PLEKHA8: variants seen among roughly 807,000 people sequenced by gnomAD.
PLEKHA8 encodes the protein pleckstrin homology domain-containing family A member 8.
In PLEKHA8, 36 loss-of-function variants were observed where a neutral mutation model predicts 68.2. The observed-to-expected ratio is 0.53, with a 90% CI of 0.40 to 0.70. The LOEUF (loss-of-function observed/expected upper bound fraction) is 0.70. PLEKHA8 is among the 30% of genes least tolerant of loss of function. The pLI is 0.00. For synonymous variants in PLEKHA8, 211 were observed against 216.1 expected (o/e 0.98, Z 0.20); for missense variants, 505 against 615.4 (o/e 0.82, Z 1.90).
At chr7:30,094,513 A>T (rs577213794), downstream of PLEKHA8, among the ~76,000 whole-genome samples, 679 of 150,358 alleles carry the variant, frequency 4.5e-3, 7 homozygotes, top group East Asian at 0.022. Flanking sequence ...TTTTTTTTTT[A>T]AATTTTATTA....
intron 1 of PLEKHA8, among the ~76,000 whole-genome samples, chr7:30,035,096 A>G (rs138739540): frequency 6.5e-4 from 99 of 151,954 alleles, no homozygotes; most frequent in African/African-American, 2.1e-3. Context: ...GATGTAATCT[A>G]TGGTTTCAGT....
chr7:30,106,506 T>C (rs1482232332), intron 13 of PLEKHA8, among the ~76,000 whole-genome samples: 1 of 152,220 alleles, frequency 6.6e-6, no homozygotes, highest in Non-Finnish European at 1.5e-5. Flanking sequence ...AGCACCATCA[T>C]ATATAAATGA....
intron 13 of PLEKHA8, among the ~76,000 whole-genome samples, chr7:30,120,167 A>C (rs1478606252): frequency 7.0e-6 from 1 of 143,268 alleles, no homozygotes; most frequent in African/African-American, 2.7e-5. Context: ...AAAAAAAAAA[A>C]AACAAAAAAA....
At chr7:30,117,045 C>A (rs1331925737) in intron 13 of PLEKHA8, among the ~76,000 whole-genome samples, 1 of 152,192 alleles carries the variant, frequency 6.6e-6, no homozygotes, top group Non-Finnish European at 1.5e-5. Flanking sequence ...TTCCGTCTGC[C>A]TTCCAGCATC....
intron 1 of PLEKHA8, among the ~76,000 whole-genome samples, chr7:30,040,079 G>A (rs1791415757): frequency 6.6e-6 from 1 of 152,230 alleles, no homozygotes. Flanking sequence ...TATTATGAAA[G>A]GGTGTTAGAT....
intron 5 of PLEKHA8, among the ~76,000 whole-genome samples, chr7:30,049,805 C>T (rs548693690): frequency 5.7e-4 from 87 of 152,216 alleles, no homozygotes; most frequent in Non-Finnish European, 1.1e-3. Flanking sequence ...ATTACCAGCT[C>T]TTTCCCTGTC....
chr7:30,032,974 A>G (rs1399200122), intron 1 of PLEKHA8, among the ~76,000 whole-genome samples: 1 of 152,232 alleles, frequency 6.6e-6, no homozygotes, highest in Non-Finnish European at 1.5e-5. Context: ...GTTTTCATTA[A>G]GGATGTGCTA....
intron 1 of PLEKHA8, among the ~76,000 whole-genome samples, chr7:30,044,055 C>T: frequency 2.2e-5 from 3 of 137,276 alleles, no homozygotes; most frequent in East Asian, 2.1e-4. Flanking sequence ...TTTTTTGAGA[C>T]GGAGTCTCAA....
At chr7:30,099,253 A>C (rs28457223) in intron 13 of PLEKHA8, among the ~76,000 whole-genome samples, 8,539 of 152,242 alleles carry the variant, frequency 0.056, 364 homozygotes, top group Middle Eastern at 0.078. Flanking sequence ...AAAACACCAC[A>C]AACAATGAAT....
chr7:30,052,957 A>C, intron 7 of PLEKHA8, 91 bp downstream of exon 7: 66 of 1,078,260 alleles, frequency 6.1e-5, no homozygotes, highest in Non-Finnish European at 8.2e-5. Flanking sequence ...GATTAACCTC[A>C]AGACCATGTA....
intron 9 of PLEKHA8, among the ~76,000 whole-genome samples, chr7:30,059,300 C>T (rs1793244312): frequency 6.6e-6 from 1 of 152,106 alleles, no homozygotes; most frequent in Non-Finnish European, 1.5e-5. Flanking sequence ...TGTTTTATTT[C>T]ATTTTCCGAT....
At chr7:30,091,992 A>G (rs908260084), downstream of PLEKHA8, among the ~76,000 whole-genome samples, 1 of 152,208 alleles carries the variant, frequency 6.6e-6, no homozygotes, top group African/African-American at 2.4e-5. Context: ...TTATGTTCAT[A>G]GAAGCCCGTG....
intron 1 of PLEKHA8, among the ~76,000 whole-genome samples, 190 bp downstream of exon 1, chr7:30,028,992 C>T (rs1790439045): frequency 6.6e-6 from 1 of 152,202 alleles, no homozygotes; most frequent in South Asian, 2.1e-4. Context: ...ACGGCCCTCT[C>T]TTGGGGTTGG....
exon 14 of PLEKHA8, chr7:30,129,349 G>A: frequency 6.2e-7 from 1 of 1,612,506 alleles, no homozygotes; most frequent in Non-Finnish European, 8.5e-7. Context: ...ACACACTAAG[G>A]ACGGTAAAGC....
At chr7:30,041,671 A>C (rs942951240) in intron 1 of PLEKHA8, among the ~76,000 whole-genome samples, 2 of 152,188 alleles carry the variant, frequency 1.3e-5, no homozygotes, top group African/African-American at 4.8e-5. Flanking sequence ...CTGGGATTAC[A>C]GGAGTGAACC....
chr7:30,093,158 G>T (rs1795481657), downstream of PLEKHA8, among the ~76,000 whole-genome samples: 1 of 152,138 alleles, frequency 6.6e-6, no homozygotes, highest in Non-Finnish European at 1.5e-5. Context: ...GGCCAACTGG[G>T]GTCCAATTTC....
intron 13 of PLEKHA8, among the ~76,000 whole-genome samples, chr7:30,103,052 G>A (rs1449292967): frequency 6.6e-6 from 1 of 152,204 alleles, no homozygotes; most frequent in Non-Finnish European, 1.5e-5. Flanking sequence ...CTGAGTGATA[G>A]TGCAAGACCT....
Position 30,079,734 on chromosome 7 carries a change from G to A in PLEKHA8, c.*947G>A. ...GCTTGTTCAAACAGCAGATTCCCAG[G>A]CCTTATTTTGGCCTAAAGAACCAGA... is the stretch of plus-strand genomic sequence containing the variant. On this transcript the variant is annotated 3_prime_UTR_variant, in exon 14 of 14. Transcript: ENST00000449726. 1 of 547,944 alleles carries A rather than the reference G, an allele frequency of 1.8e-6. No individual in the cohort carries two copies. The highest frequency in any genetic ancestry group is 2.3e-6 in the Non-Finnish European group (1 of 430,790). The allele number at this position is 547,944 out of a possible 1,614,324, so 33.9% of individuals were successfully genotyped here.
intron 13 of PLEKHA8, among the ~76,000 whole-genome samples, chr7:30,111,038 G>T (rs1796257665): frequency 6.6e-6 from 1 of 151,836 alleles, no homozygotes; most frequent in Admixed American, 6.6e-5. Context: ...CCGAGTAGCT[G>T]GGACTACAGG....
Sources: allele counts gnomAD v4.1 joint callset (sites outside exome capture counted in the v4.1 genomes callset), GRCh38; gene constraint gnomAD v4.1.1; transcripts MANE v1.5; gene names NCBI Gene and HGNC (gene_info 2026-07-23, HGNC 2026-07-21).